The following MARK2 variants were observed in gnomAD, a reference collection of about 807,000 sequenced individuals.
MARK2 encodes the protein serine/threonine-protein kinase MARK2.
In MARK2, 16 loss-of-function variants were observed where a neutral mutation model predicts 89.8. The ratio of observed to expected loss-of-function variants is 0.18; its 90% CI spans 0.12 to 0.27. The LOEUF is 0.27. MARK2 is among the 10% of genes least tolerant of loss of function. The pLI is 1.00. For synonymous variants in MARK2, 382 were observed against 399.5 expected, an observed-to-expected ratio of 0.96 and a Z score of 0.52; for missense variants, 621 against 1,049.9, an observed-to-expected ratio of 0.59 and a Z score of 5.65.
intron 1 of MARK2, chr11:63,868,560 T>C: frequency 3.0e-6 from 1 of 329,404 alleles, no homozygotes; most frequent in Non-Finnish European, 6.1e-6. Context: ...TGCTGGATTG[T>C]GTTAAGAACT....
rs1310576504 is a variant in MARK2, at chr11:63,895,124, T to G, written c.55-35T>G. The G allele has an allele frequency of 2.5e-6, 4 of 1,583,932 alleles. No homozygotes were observed. The African/African-American group carries it at 5.4e-5, about 21-fold the overall frequency. On this transcript the variant is annotated intron_variant, in intron 1 of 18. Coordinates refer to ENST00000402010, the MANE Select transcript of MARK2 (RefSeq NM_001039469.3). Reference sequence around the variant, plus strand: ...GAGAGCGTTTAGAGGACTGGAAGTGTGGCATGTAATGGTATCTCTGTTTCC... The same window carrying G: ...GAGAGCGTTTAGAGGACTGGAAGTGGGGCATGTAATGGTATCTCTGTTTCC...
chr11:63,861,851 C>T (rs1937807766), intron 1 of MARK2, among the ~76,000 whole-genome samples: 2 of 150,916 alleles, frequency 1.3e-5, no homozygotes, highest in Admixed American at 6.7e-5. Context: ...AAGCAATTCT[C>T]CTGCCTCAGC....
chr11:63,882,038 C>T (rs962557989), intron 1 of MARK2, among the ~76,000 whole-genome samples: 10 of 152,206 alleles, frequency 6.6e-5, no homozygotes, highest in South Asian at 6.2e-4. Context: ...GACCACTCCC[C>T]GCTAAGACGG....
intron 1 of MARK2, among the ~76,000 whole-genome samples, chr11:63,864,289 G>A (rs1383194360): frequency 6.6e-6 from 1 of 151,080 alleles, no homozygotes; most frequent in Admixed American, 6.6e-5. Flanking sequence ...TTTCACTCTT[G>A]TTGCCCAGGC....
At chr11:63,846,657 A>ATT (rs1302877853) in intron 1 of MARK2, among the ~76,000 whole-genome samples, 34 of 134,892 alleles carry the variant, frequency 2.5e-4, no homozygotes, top group South Asian at 9.7e-4. Flanking sequence ...GCCAAAAAAA[A>ATT]TTTTTTTTTT....
At chr11:63,842,992 A>G (rs1451628624) in intron 1 of MARK2, among the ~76,000 whole-genome samples, 1 of 152,152 alleles carries the variant, frequency 6.6e-6, no homozygotes, top group Non-Finnish European at 1.5e-5. Flanking sequence ...CGCTTATAAC[A>G]GTGAAAGTAG....
chr11:63,848,898 G>A (rs2016418549), intron 1 of MARK2, among the ~76,000 whole-genome samples: 1 of 151,792 alleles, frequency 6.6e-6, no homozygotes, highest in African/African-American at 2.4e-5. Flanking sequence ...TAGTAGAGAT[G>A]GGATTTCACC....
At chr11:63,845,285 G>A (rs899031407) in intron 1 of MARK2, among the ~76,000 whole-genome samples, 8 of 152,108 alleles carry the variant, frequency 5.3e-5, no homozygotes, top group Non-Finnish European at 1.0e-4. Flanking sequence ...AGCCATGGTG[G>A]GGCCGCCAGT....
chr11:63,902,864 CTG>C lies in MARK2; in HGVS notation c.1416+84_1416+85del. ...GGCAGCTCTTCTCTTAATTCAGACT[CTG>C]TTCCCTTTGGCTACTACTTCTGCTT... On this transcript the variant is annotated intron_variant, in intron 13 of 18. Transcript: ENST00000402010. This position sits in a 1 kb window ranked among gnomAD's most constrained non-coding sequence, Gnocchi z 4.2. 7.9e-7 allele frequency: 1 copy of C among 1,272,114 alleles called. No homozygotes were observed. Among genetic ancestry groups the C allele is most frequent in the South Asian group, 1.3e-5 (1 of 79,306 alleles). The allele number at this position is 1,272,114 out of a possible 1,614,324, so 78.8% of individuals were successfully genotyped here.
At chr11:63,848,727 C>T (rs1590964508) in intron 1 of MARK2, among the ~76,000 whole-genome samples, 1 of 144,850 alleles carries the variant, frequency 6.9e-6, no homozygotes, top group East Asian at 2.0e-4. Context: ...ATTTTTTGTA[C>T]TTTTTTTTTT....
intron 3 of MARK2, 149 bp downstream of exon 3, chr11:63,895,782 G>A (rs1017059209): frequency 5.5e-5 from 40 of 726,768 alleles, no homozygotes; most frequent in Middle Eastern, 7.9e-4. Flanking sequence ...CGATTCTCCC[G>A]CCTCAGCCTC....
intron 1 of MARK2, chr11:63,882,767 A>G (rs778526612): frequency 6.6e-6 from 1 of 152,284 alleles, no homozygotes; most frequent in African/African-American, 2.4e-5. Flanking sequence ...GTGCCCCAGT[A>G]TACAGCAGTG....
In MARK2 at chr11:63,898,596, T is replaced by C. The variant is rs1370086129; in HGVS notation, c.338-12T>C. ...TGCTTCTTGACTTAAGGCTTGGCCT[T>C]TTCTCTTGTAGTTAAATTATTTGAA... On this transcript the variant is annotated splice_polypyrimidine_tract_variant and intron_variant, in intron 4 of 18. Coordinates refer to ENST00000402010, the MANE Select transcript of MARK2 (RefSeq NM_001039469.3). 2 of 1,611,008 alleles carry C rather than the reference T, an allele frequency of 1.2e-6. No individual in the cohort carries two copies. The highest frequency in any genetic ancestry group is 1.7e-6 in the Non-Finnish European group (2 of 1,177,218).
chr11:63,901,766 T>C (rs1389692917), intron 11 of MARK2, among the ~76,000 whole-genome samples: 1 of 151,882 alleles, frequency 6.6e-6, no homozygotes, highest in Non-Finnish European at 1.5e-5. Context: ...ACTTTGTGAT[T>C]GTTCTTCTGC....
Position 63,910,652 on chromosome 11 carries a change from A to ATTTTTTTTTTTTTTTTT in MARK2, c.*1429_*1430insTTTTTTTTTTTTTTTTT, listed in dbSNP as rs750155967. ...GTTTTATTTTTTATTATTTTATTTT[A>ATTTTTTTTTTTTTTTTT]TTTTTTTTTTTTTTGATTTATGATG... is the stretch of plus-strand genomic sequence containing the variant. On this transcript the variant is annotated 3_prime_UTR_variant, in exon 19 of 19. Coordinates refer to ENST00000402010, the MANE Select transcript of MARK2 (RefSeq NM_001039469.3). 3.6e-5 allele frequency: 5 copies of ATTTTTTTTTTTTTTTTT among 137,434 alleles called. No homozygotes were observed. The highest frequency in any genetic ancestry group is 7.2e-5 in the Admixed American group (1 of 13,812). The allele number at this position is 137,434 out of a possible 1,614,324, so 8.5% of individuals were successfully genotyped here.
intron 1 of MARK2, among the ~76,000 whole-genome samples, chr11:63,850,834 CCTTT>C (rs1460093865): frequency 1.3e-5 from 2 of 151,870 alleles, no homozygotes; most frequent in African/African-American, 4.8e-5. Context: ...TTTCTTTCTT[CCTTT>C]CTTTTTGTTC....
chr11:63,890,729 T>C (rs1451426489), intron 1 of MARK2, among the ~76,000 whole-genome samples: 1 of 152,264 alleles, frequency 6.6e-6, no homozygotes, highest in Non-Finnish European at 1.5e-5. Context: ...GTGAGACTTC[T>C]GGATTGGCAG....
chr11:63,864,058 A>G (rs1937982703), intron 1 of MARK2, among the ~76,000 whole-genome samples: 1 of 151,612 alleles, frequency 6.6e-6, no homozygotes, highest in Middle Eastern at 3.2e-3. Flanking sequence ...GATTCATGAC[A>G]TTCTCCTGCC....
At chr11:63,873,322 T>G (rs1938564322) in intron 1 of MARK2, among the ~76,000 whole-genome samples, 1 of 152,206 alleles carries the variant, frequency 6.6e-6, no homozygotes, top group African/African-American at 2.4e-5. Flanking sequence ...ATTCTCTTGT[T>G]GCTAACTTAC....
Sources: allele counts gnomAD v4.1 joint callset (sites outside exome capture counted in the v4.1 genomes callset), GRCh38; gene constraint gnomAD v4.1.1; non-coding constraint Gnocchi (gnomAD v3.1); transcripts MANE v1.5; gene names NCBI Gene and HGNC (gene_info 2026-07-23, HGNC 2026-07-21).